Variants in CFAP298 observed in about 807,000 individuals in gnomAD.
CFAP298 encodes the protein cilia and flagella associated protein 298, also known as cilia- and flagella-associated protein 298.
A neutral mutation model predicts 41.0 loss-of-function variants in CFAP298; 38 were observed. The ratio of observed to expected loss-of-function variants is 0.93; its 90% confidence interval spans 0.72 to 1.22. The LOEUF is 1.22. Ranked by LOEUF, CFAP298 falls within the 50% of genes most tolerant of loss-of-function variation. The pLI, the probability that CFAP298 is intolerant of heterozygous loss-of-function variation, is 0.00. For synonymous variants in CFAP298, 137 were observed against 135.3 expected (o/e 1.01, Z -0.09); for missense variants, 348 against 360.3 (o/e 0.97, Z 0.28).
chr21:32,601,497 C>T lies in CFAP298; in HGVS notation c.*366G>A, dbSNP rs1444240751. Among the ~76,000 whole-genome samples the T allele has an allele frequency of 7.2e-5, 11 of 151,760 alleles. No individual in the cohort carries two copies. The highest frequency in any genetic ancestry group is 7.2e-4 in the Admixed American group (11 of 15,224). ...TATTTTTAGTAGAGACGGGGTTTCACCGTGTTAGCCTGGATGGTCTTGATC... is the reference window on the plus strand; with the variant it reads ...TATTTTTAGTAGAGACGGGGTTTCATCGTGTTAGCCTGGATGGTCTTGATC... On this transcript the variant is annotated 3_prime_UTR_variant, in exon 7 of 7. Coordinates refer to ENST00000290155, the MANE Select transcript of CFAP298 (RefSeq NM_021254.4).
chr21:32,608,778 C>T (rs2038925555), intron 2 of CFAP298, among the ~76,000 whole-genome samples: 1 of 150,840 alleles, frequency 6.6e-6, no homozygotes, highest in Non-Finnish European at 1.5e-5. Context: ...ACCACATCTT[C>T]TTACGTAAGA....
chr21:32,603,117 G>A, intron 5 of CFAP298, 44 bp downstream of exon 5: 1 of 1,605,614 alleles, frequency 6.2e-7, no homozygotes, highest in Non-Finnish European at 8.5e-7. Context: ...AGTTTGAAGG[G>A]AAATAACAAA....
At chr21:32,608,656 CAAA>C (rs57270252) in intron 2 of CFAP298, among the ~76,000 whole-genome samples, 100 of 54,978 alleles carry the variant, frequency 1.8e-3, no homozygotes, top group African/African-American at 4.3e-3. Context: ...GACTCTGTCT[CAAA>C]AAAAAAAAAA....
In CFAP298 at chr21:32,604,318, G is replaced by A. The variant is rs773285203; in HGVS notation, c.376-35C>T. The A allele has an allele frequency of 3.1e-6, 5 of 1,611,278 alleles. No homozygotes were observed. In the South Asian group the frequency reaches 5.5e-5, roughly 18 times the overall value. ...GAAAGCCATCGTTATCTACAGTGTG[G>A]CTAATCACTTCCATAAATTCGATCA... On this transcript the variant is annotated intron_variant, in intron 3 of 6. Transcript: ENST00000290155.
At chr21:32,607,369 G>A (rs949770319) in intron 3 of CFAP298, among the ~76,000 whole-genome samples, 3 of 151,994 alleles carry the variant, frequency 2.0e-5, no homozygotes, top group Non-Finnish European at 2.9e-5. Context: ...CAAGACAGGC[G>A]GATCACCTGA....
intron 1 of CFAP298, among the ~76,000 whole-genome samples, chr21:32,611,867 A>G (rs899359895): frequency 1.3e-5 from 2 of 151,794 alleles, no homozygotes; most frequent in Non-Finnish European, 2.9e-5. Flanking sequence ...CAGCACCCCA[A>G]ATCCTGGCTC....
chr21:32,608,383 G>A (rs777901025), intron 2 of CFAP298, among the ~76,000 whole-genome samples: 3 of 152,130 alleles, frequency 2.0e-5, no homozygotes, highest in African/African-American at 7.2e-5. Context: ...TAGGCTGGGC[G>A]TAGTGGCTCA....
At chr21:32,606,559 C>T (rs185438645) in intron 3 of CFAP298, among the ~76,000 whole-genome samples, 233 of 152,344 alleles carry the variant, frequency 1.5e-3, no homozygotes, top group African/African-American at 5.1e-3. Flanking sequence ...ACGGGCTCAA[C>T]CAGGGCCTCT....
At chr21:32,610,692 C>T (rs561580689) in intron 1 of CFAP298, among the ~76,000 whole-genome samples, 337 of 152,202 alleles carry the variant, frequency 2.2e-3, no homozygotes, top group African/African-American at 7.1e-3. Context: ...GTGTTGGAAC[C>T]TCAATTAAGA....
At position 32,604,219 on chromosome 21, in the gene CFAP298, C is replaced by T. The variant is rs890462788; in HGVS notation, c.440G>A (p.Arg147Gln). 1.1e-5 allele frequency: 17 copies of T among 1,613,966 alleles called. No homozygotes were observed. The Admixed American group carries it at 2.0e-4, about 19-fold the overall frequency. Residue 147 changes from arginine to glutamine, a missense_variant, in exon 4 of 7, where the codon CGA becomes CAA. Physicochemically the swap from Arg to Gln is conservative, Grantham distance 43. Coordinates refer to ENST00000290155, the MANE Select transcript of CFAP298 (RefSeq NM_021254.4). ...EMVKDALDQL[R>Q]GAVMIVYPMG... Reference sequence around the variant, plus strand: ...GGGGTAAACAATCATCACCGCGCCTCGAAGCTGGTCCAAGGCATCTTTCAC... The same window carrying T: ...GGGGTAAACAATCATCACCGCGCCTTGAAGCTGGTCCAAGGCATCTTTCAC...
At chr21:32,610,799 TAATA>T (rs979227487) in intron 1 of CFAP298, among the ~76,000 whole-genome samples, 11 of 152,196 alleles carry the variant, frequency 7.2e-5, no homozygotes, top group South Asian at 2.1e-4. Context: ...ATACATTTCA[TAATA>T]AATCACATAT....
chr21:32,607,888 C>T (rs1248333207), intron 2 of CFAP298, among the ~76,000 whole-genome samples, 172 bp from the exon 3 acceptor site: 1 of 152,134 alleles, frequency 6.6e-6, no homozygotes, highest in Non-Finnish European at 1.5e-5. Flanking sequence ...TAGGTGAAGA[C>T]CTCTTCCCAA....
At chr21:32,610,737 C>G (rs1425225050) in intron 1 of CFAP298, among the ~76,000 whole-genome samples, 1 of 151,954 alleles carries the variant, frequency 6.6e-6, no homozygotes, top group East Asian at 1.9e-4. Flanking sequence ...GAACCATGAC[C>G]CTCAGGAATT....
At position 32,599,855 on chromosome 21, in the gene CFAP298, A is replaced by G. The variant is rs1360872583; in HGVS notation, c.*2008T>C. Among the ~76,000 whole-genome samples, 1 of 152,198 alleles carries G rather than the reference A, an allele frequency of 6.6e-6. No homozygotes were observed. Among genetic ancestry groups the G allele is most frequent in the African/African-American group, 2.4e-5 (1 of 41,462 alleles). On this transcript the variant is annotated 3_prime_UTR_variant, in exon 7 of 7. Transcript: ENST00000290155. Reference sequence around the variant, plus strand: ...GCTTTTGAGGCAGACAAGGGCAGGGAGAGAGGATGGTTCTTCTCGCATGGG... The same window carrying G: ...GCTTTTGAGGCAGACAAGGGCAGGGGGAGAGGATGGTTCTTCTCGCATGGG...
At chr21:32,608,525 C>T (rs1180020229) in intron 2 of CFAP298, among the ~76,000 whole-genome samples, 1 of 151,750 alleles carries the variant, frequency 6.6e-6, no homozygotes, top group African/African-American at 2.4e-5. Flanking sequence ...GGCATGGTAG[C>T]AGGCATGTGT....
At chr21:32,611,980 C>A in intron 1 of CFAP298, 125 bp downstream of exon 1, 1 of 1,189,774 alleles carries the variant, frequency 8.4e-7, no homozygotes, top group Middle Eastern at 2.7e-4. Flanking sequence ...CCGTTTCAAC[C>A]CCGGCTGCTG....
At chr21:32,606,085 A>C (rs2038861580) in intron 3 of CFAP298, among the ~76,000 whole-genome samples, 1 of 152,224 alleles carries the variant, frequency 6.6e-6, no homozygotes, top group Non-Finnish European at 1.5e-5. Context: ...CTATAAAACC[A>C]AGACACTGTG....
In CFAP298 at chr21:32,599,787, C is replaced by T. The variant is rs1203962796; in HGVS notation, c.*2076G>A. On this transcript the variant is annotated 3_prime_UTR_variant, in exon 7 of 7. Coordinates refer to ENST00000290155, the MANE Select transcript of CFAP298 (RefSeq NM_021254.4). ...GGCTTGCAAATAAGCTACTCACGTA[C>T]TTCCTGAGATCTGCTGCACCCAAAC... Among the ~76,000 whole-genome samples, 1 of 152,234 alleles carries T rather than the reference C, an allele frequency of 6.6e-6. No homozygotes were observed. Among genetic ancestry groups the T allele is most frequent in the Non-Finnish European group, 1.5e-5 (1 of 68,044 alleles).
chr21:32,607,861 A>G, intron 2 of CFAP298, 145 bp from the exon 3 acceptor site: 1 of 574,566 alleles, frequency 1.7e-6, no homozygotes. Flanking sequence ...GAAGCAAGAA[A>G]CCTGGCTGCC....
Sources: allele counts gnomAD v4.1 joint callset (sites outside exome capture counted in the v4.1 genomes callset), GRCh38; gene constraint gnomAD v4.1.1; transcripts MANE v1.5; gene names NCBI Gene and HGNC (gene_info 2026-07-23, HGNC 2026-07-21).